Variants in RPRD2 observed in about 807,000 individuals in gnomAD.
The protein encoded by RPRD2 is regulation of nuclear pre-mRNA domain containing 2.
In RPRD2, 12 loss-of-function variants were observed where a neutral mutation model predicts 104.4. That is an observed-to-expected ratio of 0.11 (90% CI 0.07 to 0.19). The LOEUF is 0.19. Among genes scored for constraint, RPRD2 ranks in the 10% least tolerant of loss-of-function variants. RPRD2 has a pLI of 1.00. For missense variants in RPRD2, 1,543 were observed against 1,790.1 expected (o/e 0.86, Z 2.49); for synonymous variants, 714 against 684.9 (o/e 1.04, Z -0.66).
Position 150,438,205 on chromosome 1 carries a change from G to A in RPRD2, c.336-2718G>A, listed in dbSNP as rs587753198. On this transcript the variant is annotated intron_variant, in intron 2 of 10. Transcript: ENST00000369068. ...CTTGGGAAGCTGAGGCAGAAGAATC[G>A]CTTGAACTTGGGAGGCGGAGGTTGC... 6.6e-5 allele frequency among the ~76,000 whole-genome samples: 10 copies of A among 152,246 alleles called. No homozygotes were observed. The South Asian group carries it at 1.0e-3, about 16-fold the overall frequency.
At position 150,471,866 on chromosome 1, in the gene RPRD2, C is replaced by T. The variant is rs780286447; in HGVS notation, c.2918C>T (p.Ser973Phe). The change falls in exon 11 of 11, where the codon TCC becomes TTC. Residue 973 changes from serine to phenylalanine, a missense_variant. By Grantham distance (155) the Ser-to-Phe change is radical. Around this residue, in one of 4 missense-constraint regions of RPRD2, gnomAD observed 880 missense variants for 885.6 expected, o/e 0.99. Coordinates refer to ENST00000369068, the MANE Select transcript of RPRD2 (RefSeq NM_015203.5). The surrounding 1 kb of genome is among the most constrained non-coding windows in gnomAD (Gnocchi z 5.3). ...PDSPHPVPHR[S>F]LFSPQNTLAA... The stretch of plus-strand genomic sequence containing the variant: ...TCTCCTCACCCAGTCCCACATCGTT[C>T]CCTTTTCTCTCCGCAGAACACCCTT... 1.2e-6 allele frequency: 2 copies of T among 1,613,992 alleles called. No homozygotes were observed. Among genetic ancestry groups the T allele is most frequent in the South Asian group, 2.2e-5 (2 of 91,084 alleles).
intron 1 of RPRD2, among the ~76,000 whole-genome samples, chr1:150,397,146 G>C (rs1260386): frequency 6.6e-6 from 1 of 151,634 alleles, no homozygotes; most frequent in Non-Finnish European, 1.5e-5. Flanking sequence ...GTTAATTTTT[G>C]TATTTATAGT....
intron 1 of RPRD2, among the ~76,000 whole-genome samples, chr1:150,386,576 T>G (rs1661584704): frequency 6.6e-6 from 1 of 152,218 alleles, no homozygotes; most frequent in Non-Finnish European, 1.5e-5. Flanking sequence ...CCAACTTTTT[T>G]TGATAATGTC....
At chr1:150,453,990 G>A (rs1667361013) in intron 7 of RPRD2, among the ~76,000 whole-genome samples, 1 of 152,114 alleles carries the variant, frequency 6.6e-6, no homozygotes, top group Non-Finnish European at 1.5e-5. Context: ...CCCACAGAGA[G>A]CCTGGAATGA....
At chr1:150,365,236 C>G (rs1659746623) in intron 1 of RPRD2, among the ~76,000 whole-genome samples, 1 of 152,168 alleles carries the variant, frequency 6.6e-6, no homozygotes, top group South Asian at 2.1e-4. Context: ...TCCGAACCTT[C>G]GCGGAAATTG....
At chr1:150,387,566 CCTTTTTTTTTTTTTTTTTTTTTTT>C (rs782384953) in intron 1 of RPRD2, among the ~76,000 whole-genome samples, 2,456 of 70,114 alleles carry the variant, frequency 0.035, 81 homozygotes, top group Non-Finnish European at 0.053. Context: ...TTGCAACAGA[CCTTTTTTTTTTTTTTTTTTTTTTT>C]TTTTTTTTTT....
intron 1 of RPRD2, among the ~76,000 whole-genome samples, chr1:150,370,143 C>T (rs587703946): frequency 7.2e-5 from 11 of 152,034 alleles, no homozygotes; most frequent in African/African-American, 2.7e-4. Context: ...AACTCTTGGG[C>T]TCAAGCTATC....
chr1:150,423,084 A>G (rs926838897), intron 2 of RPRD2, among the ~76,000 whole-genome samples: 1 of 152,220 alleles, frequency 6.6e-6, no homozygotes, highest in Admixed American at 6.6e-5. Flanking sequence ...AGGGAGGGGT[A>G]AAAATGAAAG....
At position 150,364,834 on chromosome 1, in the gene RPRD2, C is replaced by A. The variant is rs782446169; in HGVS notation, c.120C>A (p.Ser40=). 2 of 1,613,822 alleles carry A rather than the reference C, an allele frequency of 1.2e-6. No homozygotes were observed. Among genetic ancestry groups the A allele is most frequent in the Admixed American group, 3.3e-5 (2 of 60,024 alleles). The part of the protein sequence containing the change: ...KFQSVTNTME[S]IQGLSSWCIE... ...AGTCGGTAACCAACACCATGGAGTC[C>A]ATTCAAGGCTTGTCGTCTTGGTGTA... The change falls in exon 1 of 11, where the codon TCC becomes TCA. Residue 40 remains serine (S), a synonymous_variant. Coordinates refer to ENST00000369068, the MANE Select transcript of RPRD2 (RefSeq NM_015203.5).
chr1:150,432,232 A>G (rs11205373), intron 2 of RPRD2, among the ~76,000 whole-genome samples: 83,016 of 151,056 alleles, frequency 0.55, 23,598 homozygotes, highest in Non-Finnish European at 0.62. Context: ...TGGTTGAACC[A>G]TGAAAACATG....
chr1:150,366,092 C>T (rs895108650), intron 1 of RPRD2, among the ~76,000 whole-genome samples: 2 of 152,108 alleles, frequency 1.3e-5, no homozygotes, highest in Admixed American at 1.3e-4. Context: ...GTTTGCAGAA[C>T]GTTTCAAATC....
intron 1 of RPRD2, among the ~76,000 whole-genome samples, chr1:150,367,541 T>G (rs1411275970): frequency 6.6e-6 from 1 of 151,316 alleles, no homozygotes; most frequent in Non-Finnish European, 1.5e-5. Flanking sequence ...CATCCGTTAT[T>G]TAGTAATTTA....
At chr1:150,443,741 C>G (rs1348521828) in intron 5 of RPRD2, among the ~76,000 whole-genome samples, 1 of 151,988 alleles carries the variant, frequency 6.6e-6, no homozygotes, top group African/African-American at 2.4e-5. Flanking sequence ...CGCGGTGGCT[C>G]ACGCCTGTAA....
rs761932812 is a variant in RPRD2, at chr1:150,472,366, A to G, written c.3418A>G (p.Asn1140Asp). 2 of 1,613,940 alleles carry G rather than the reference A, an allele frequency of 1.2e-6. No individual in the cohort carries two copies. Among genetic ancestry groups the G allele is most frequent in the East Asian group, 2.2e-5 (1 of 44,866 alleles). The change falls in exon 11 of 11, where the codon AAT (asparagine) becomes GAT (aspartate). Residue 1140 changes from asparagine to aspartate, a missense_variant. Transcript: ENST00000369068. ...GAGCACATCAGGTAGCTCTTTTGAC[A>G]ATGGCCCTTCAAGTGCCTCTGAGTT... Reference protein sequence around the residue: ...DLSTSGSSFDNGPSSASELAS... With the variant: ...DLSTSGSSFDDGPSSASELAS...
At chr1:150,446,104 A>T in intron 6 of RPRD2, 122 bp from the exon 7 acceptor site, 11 of 576,210 alleles carry the variant, frequency 1.9e-5, no homozygotes, top group Non-Finnish European at 3.3e-5. Flanking sequence ...AGAGTATTAG[A>T]GTACTGCACA....
chr1:150,431,902 T>G, intron 2 of RPRD2, among the ~76,000 whole-genome samples: 1 of 152,142 alleles, frequency 6.6e-6, no homozygotes, highest in East Asian at 1.9e-4. Context: ...ATCAGTCACC[T>G]TCAGTAGTCA....
At chr1:150,412,140 C>G (rs1320406935) in intron 1 of RPRD2, among the ~76,000 whole-genome samples, 1 of 148,198 alleles carries the variant, frequency 6.7e-6, no homozygotes, top group Non-Finnish European at 1.5e-5. Context: ...AAGAATAAGG[C>G]AGTAAACAAG....
Position 150,470,968 on chromosome 1 carries a change from A to C in RPRD2, c.2020A>C (p.Asn674His). The change falls in exon 11 of 11, where the codon AAC (asparagine) becomes CAC (histidine). Residue 674 changes from asparagine (N) to histidine (H), a missense_variant. By Grantham distance (68) the Asn-to-His change is moderately conservative. Around this residue, in one of 4 missense-constraint regions of RPRD2, gnomAD observed 572 missense variants for 787.3 expected, o/e 0.73. Coordinates refer to ENST00000369068, the MANE Select transcript of RPRD2 (RefSeq NM_015203.5). ...TSPSLEMKIHNFLKGNPGFSG... is the reference protein window; with the variant it reads ...TSPSLEMKIHHFLKGNPGFSG... ...CCCAAGCCTGGAAATGAAGATTCAC[A>C]ACTTCTTAAAAGGTAATCCTGGTTT... 6 of 1,613,978 alleles carry C rather than the reference A, an allele frequency of 3.7e-6. No individual in the cohort carries two copies. Among genetic ancestry groups the C allele is most frequent in the Non-Finnish European group, 3.4e-6 (4 of 1,179,890 alleles).
rs200214891 is a variant in RPRD2, at chr1:150,386,430, C to CA, written c.205+21519dup. ...CAAAGCCCCATCTCTACCAAGAATA[C>CA]AAAAAAAATTAGCTGGGCTTGGTGG... On this transcript the variant is annotated intron_variant, in intron 1 of 10. Coordinates refer to ENST00000369068, the MANE Select transcript of RPRD2 (RefSeq NM_015203.5). Among the ~76,000 whole-genome samples, 741 of 152,064 alleles carry CA rather than the reference C, an allele frequency of 4.9e-3. 6 individuals carry two copies. The highest frequency in any genetic ancestry group is 0.01 in the African/African-American group (432 of 41,526).
Sources: gnomAD v4.1 joint callset for allele counts (sites outside exome capture counted in the v4.1 genomes callset) on GRCh38, gnomAD v4.1.1 for gene constraint, gnomAD v4.1.1 regional missense constraint, Gnocchi (gnomAD v3.1) non-coding constraint, MANE v1.5 for transcripts, NCBI Gene and HGNC (gene_info 2026-07-23, HGNC 2026-07-21) for gene names.